The following KATNAL2 variants were observed in gnomAD, a reference collection of about 807,000 sequenced individuals.
KATNAL2 encodes katanin catalytic subunit A1 like 2.
Under a neutral mutation model 76.3 loss-of-function variants are expected in KATNAL2, and 52 were observed. The ratio of observed to expected loss-of-function variants is 0.68; its 90% CI spans 0.55 to 0.86. The LOEUF is 0.86. Ranked by LOEUF, KATNAL2 falls within the 40% of genes least tolerant of loss-of-function variation. KATNAL2 has a pLI of 0.00. For missense variants in KATNAL2, 660 were observed against 668.9 expected, an observed-to-expected ratio of 0.99 and a Z score of 0.15; for synonymous variants, 243 against 244.2, an observed-to-expected ratio of 1.00 and a Z score of 0.05.
In KATNAL2 at chr18:47,054,086, C is replaced by T. The variant is rs141066940; in HGVS notation, c.290-310C>T. On this transcript the variant is annotated intron_variant, in intron 5 of 17. Transcript: ENST00000683218. ...CAAAATGGTGTCAAGTTCATGAAAG[C>T]GTAATGAAATGGTAGCTGTAAAGCT... is the stretch of plus-strand genomic sequence containing the variant. 9.8e-3 allele frequency among the ~76,000 whole-genome samples: 1,496 copies of T among 152,316 alleles called. 21 individuals carry two copies. The highest frequency in any genetic ancestry group is 0.033 in the African/African-American group (1,361 of 41,574).
At chr18:47,069,685 G>C (rs548957956) in intron 13 of KATNAL2, 85 bp downstream of exon 13, 1 of 894,152 alleles carries the variant, frequency 1.1e-6, no homozygotes, top group Admixed American at 2.3e-5. Context: ...TTTGCTTTTA[G>C]GTGATTTTAT....
At chr18:46,930,538 G>A (rs142738428) in intron 1 of KATNAL2, among the ~76,000 whole-genome samples, 77 of 152,096 alleles carry the variant, frequency 5.1e-4, no homozygotes, top group African/African-American at 1.5e-3. Flanking sequence ...AAAGCAGGCC[G>A]GGTGCGACGG....
At chr18:46,920,669 A>G (rs2058488854) in intron 1 of KATNAL2, among the ~76,000 whole-genome samples, 1 of 152,174 alleles carries the variant, frequency 6.6e-6, no homozygotes, top group Admixed American at 6.5e-5. Flanking sequence ...ATCATTCAAT[A>G]TATGTTCAAA....
chr18:47,098,245 C>A, intron 15 of KATNAL2: 1 of 397,170 alleles, frequency 2.5e-6, no homozygotes, highest in Non-Finnish European at 5.0e-6. Context: ...GTGTACTAGT[C>A]CATTTTCATG....
At chr18:47,034,508 A>G (rs2060660551) in intron 3 of KATNAL2, 6 of 1,614,132 alleles carry the variant, frequency 3.7e-6, no homozygotes, top group Non-Finnish European at 4.2e-6. Flanking sequence ...GCCCCGCATG[A>G]TTTCTCCCTG....
intron 1 of KATNAL2, among the ~76,000 whole-genome samples, chr18:46,941,870 G>A (rs543825392): frequency 3.9e-5 from 6 of 152,260 alleles, no homozygotes; most frequent in Admixed American, 3.9e-4. Flanking sequence ...CTATAGAAGG[G>A]TGCCTACCCT....
At chr18:46,919,257 C>G (rs148593381) in intron 1 of KATNAL2, among the ~76,000 whole-genome samples, 512 of 151,962 alleles carry the variant, frequency 3.4e-3, no homozygotes, top group Middle Eastern at 0.01. Context: ...GAGGCAGAGG[C>G]GGGCGGATCA....
chr18:46,958,862 A>G (rs999328244), intron 3 of KATNAL2, among the ~76,000 whole-genome samples: 1 of 152,228 alleles, frequency 6.6e-6, no homozygotes, highest in Non-Finnish European at 1.5e-5. Flanking sequence ...ATTCATGTGT[A>G]TGCACAAAAG....
At position 47,093,629 on chromosome 18, in the gene KATNAL2, T is replaced by G. The variant is rs113788603; in HGVS notation, c.1212-5614T>G. On this transcript the variant is annotated intron_variant, in intron 15 of 17. Transcript: ENST00000683218. ...TCCCTGCAGCCTCAACCTCTTGGGT[T>G]CAAGCGATCCTCCCATGTCCCAACT... 3.7e-3 allele frequency among the ~76,000 whole-genome samples: 567 copies of G among 152,146 alleles called. 6 individuals carry two copies. The highest frequency in any genetic ancestry group is 0.013 in the African/African-American group (545 of 41,514).
chr18:46,941,824 A>C (rs1248745245), intron 1 of KATNAL2, among the ~76,000 whole-genome samples: 2 of 152,110 alleles, frequency 1.3e-5, no homozygotes, highest in African/African-American at 4.8e-5. Context: ...TCGAATATAA[A>C]ATTTTCTTTT....
At chr18:46,933,750 A>G in intron 1 of KATNAL2, among the ~76,000 whole-genome samples, 1 of 103,050 alleles carries the variant, frequency 9.7e-6, no homozygotes, top group African/African-American at 3.9e-5. Context: ...TTAACTCGTC[A>G]TTTAGCATTA....
At chr18:47,052,553 A>T (rs1355380686) in intron 4 of KATNAL2, among the ~76,000 whole-genome samples, 2 of 152,246 alleles carry the variant, frequency 1.3e-5, no homozygotes, top group African/African-American at 4.8e-5. Flanking sequence ...TAGGCTGCAA[A>T]TGAGTAAAGA....
In KATNAL2 at chr18:47,081,439, T is replaced by G. The variant is rs56228796; in HGVS notation, c.1211+3978T>G. 5.5e-3 allele frequency among the ~76,000 whole-genome samples: 835 copies of G among 152,330 alleles called. 9 individuals are homozygous for G. The highest frequency in any genetic ancestry group is 0.019 in the African/African-American group (801 of 41,580). The stretch of plus-strand genomic sequence containing the variant: ...ATTTTAATATCAGTATAAAAATTAG[T>G]GTGATATTGTAGTTTCTTTTTTCAT... On this transcript the variant is annotated intron_variant, in intron 15 of 17. Coordinates refer to ENST00000683218, the MANE Select transcript of KATNAL2 (RefSeq NM_001387690.1).
chr18:47,097,117 T>TAAAAAAA (rs1191497421), intron 15 of KATNAL2, among the ~76,000 whole-genome samples: 1 of 88,458 alleles, frequency 1.1e-5, no homozygotes, highest in African/African-American at 4.5e-5. Context: ...AGACCCTGGC[T>TAAAAAAA]CAAAAAAAAA....
At chr18:46,953,375 C>T (rs979668708) in intron 3 of KATNAL2, among the ~76,000 whole-genome samples, 2 of 152,172 alleles carry the variant, frequency 1.3e-5, no homozygotes, top group African/African-American at 2.4e-5. Context: ...CATAGTGGCT[C>T]ACACCACTAA....
chr18:47,080,728 T>C (rs138376201), intron 15 of KATNAL2, among the ~76,000 whole-genome samples: 1,818 of 152,342 alleles, frequency 0.012, 14 homozygotes, highest in Middle Eastern at 0.027. Context: ...GTCTCTTTTA[T>C]TGTAGCCATC....
At chr18:47,032,649 A>T (rs866808623) in intron 3 of KATNAL2, 10 of 345,428 alleles carry the variant, frequency 2.9e-5, no homozygotes, top group African/African-American at 1.3e-4. Context: ...AGAAGTTCTT[A>T]TCTACTTGAT....
At chr18:46,951,081 C>T (rs1292523216) in intron 3 of KATNAL2, among the ~76,000 whole-genome samples, 1 of 152,156 alleles carries the variant, frequency 6.6e-6, no homozygotes, top group Non-Finnish European at 1.5e-5. Context: ...CTCCCTGTCC[C>T]TGGCCTCCTC....
intron 3 of KATNAL2, among the ~76,000 whole-genome samples, chr18:46,955,327 C>T (rs2059711502): frequency 1.3e-5 from 2 of 151,516 alleles, no homozygotes; most frequent in African/African-American, 4.9e-5. Flanking sequence ...AGTGATTCTC[C>T]TGCCTCAGCC....
Sources: allele counts gnomAD v4.1 joint callset (sites outside exome capture counted in the v4.1 genomes callset), GRCh38; gene constraint gnomAD v4.1.1; transcripts MANE v1.5; gene names NCBI Gene and HGNC (gene_info 2026-07-23, HGNC 2026-07-21).